The following KLHL18 variants were observed in gnomAD, a reference collection of about 807,000 sequenced individuals.
KLHL18 encodes the protein kelch-like protein 18.
Under a neutral mutation model 58.5 loss-of-function variants are expected in KLHL18, and 38 were observed. The ratio of observed to expected loss-of-function variants is 0.65; its 90% CI spans 0.50 to 0.85. The LOEUF is 0.85. Ranked by LOEUF, KLHL18 falls within the 40% of genes least tolerant of loss-of-function variation. The pLI, the probability that KLHL18 is intolerant of heterozygous loss-of-function variation, is 0.00. For synonymous variants in KLHL18, 303 were observed against 301.9 expected, an observed-to-expected ratio of 1.00 and a Z score of -0.04; for missense variants, 624 against 778.4, an observed-to-expected ratio of 0.80 and a Z score of 2.36.
intron 1 of KLHL18, among the ~76,000 whole-genome samples, chr3:47,300,988 A>G (rs371426200): frequency 1.3e-5 from 2 of 152,170 alleles, no homozygotes; most frequent in East Asian, 1.9e-4. Flanking sequence ...GATGTTGGAC[A>G]TCTTCTTATG....
chr3:47,299,567 A>G (rs187452534), intron 1 of KLHL18, among the ~76,000 whole-genome samples: 6 of 148,624 alleles, frequency 4.0e-5, no homozygotes, highest in South Asian at 4.3e-4. Flanking sequence ...GCTCACTCCT[A>G]TGATCTTACC....
At chr3:47,338,263 C>T (rs1040803410) in intron 7 of KLHL18, 1 of 152,238 alleles carries the variant, frequency 6.6e-6, no homozygotes, top group Admixed American at 6.5e-5. Context: ...CCTTTACCAC[C>T]TAGTTGATAG....
rs538227310 is a variant in KLHL18 at position 47,306,141 on chromosome 3, A to T, written c.130-13512A>T. On this transcript the variant is annotated intron_variant, in intron 1 of 9. Transcript: ENST00000232766. ...GTTCCTTGGAGAGGTAGTTTGGGTT[A>T]TTCACTTGAGACTTTTCTAATGTAA... is the stretch of plus-strand genomic sequence containing the variant. Among the ~76,000 whole-genome samples the T allele has an allele frequency of 2.0e-5, 3 of 151,802 alleles. No individual in the cohort carries two copies. In the South Asian group the frequency reaches 6.2e-4, roughly 32 times the overall value.
At chr3:47,285,303 TAGA>T in intron 1 of KLHL18, among the ~76,000 whole-genome samples, 1 of 152,328 alleles carries the variant, frequency 6.6e-6, no homozygotes, top group African/African-American at 2.4e-5. Flanking sequence ...GATTACATGG[TAGA>T]AGATGTTAAG....
At chr3:47,309,474 G>A (rs879809417) in intron 1 of KLHL18, among the ~76,000 whole-genome samples, 1 of 151,630 alleles carries the variant, frequency 6.6e-6, no homozygotes, top group African/African-American at 2.4e-5. Context: ...GGGCAGAGGC[G>A]CTCCCCACAG....
rs763182986 is a variant in KLHL18 at position 47,342,844 on chromosome 3, C to A, written c.1338+14C>A. ...ATCTTCAGCAGTGTGAGTCTGGGCT[C>A]CCCCTGGGATAAGGGTACCTACTTC... is the stretch of plus-strand genomic sequence containing the variant. On this transcript the variant is annotated intron_variant, in intron 9 of 9. Coordinates refer to ENST00000232766, the MANE Select transcript of KLHL18 (RefSeq NM_025010.5). The A allele has an allele frequency of 5.1e-6, 8 of 1,576,536 alleles. No homozygotes were observed. The Admixed American group carries it at 8.3e-5, about 16-fold the overall frequency.
intron 1 of KLHL18, among the ~76,000 whole-genome samples, chr3:47,284,214 A>G (rs760573781): frequency 1.2e-4 from 19 of 152,058 alleles, no homozygotes; most frequent in Non-Finnish European, 1.6e-4. Context: ...CCTGGGCAAC[A>G]CAGCAAGATC....
In KLHL18 at chr3:47,306,544, T is replaced by C. The variant is rs573697543; in HGVS notation, c.130-13109T>C. 3.3e-5 allele frequency among the ~76,000 whole-genome samples: 5 copies of C among 152,302 alleles called. No homozygotes were observed. In the South Asian group the frequency reaches 6.2e-4, roughly 19 times the overall value. ...ATTCTCCTCTCAGTGGTTATTTAGGTGGTTTTTTATTTTGTTTAGTTTTCT... is the reference window on the plus strand; with the variant it reads ...ATTCTCCTCTCAGTGGTTATTTAGGCGGTTTTTTATTTTGTTTAGTTTTCT... On this transcript the variant is annotated intron_variant, in intron 1 of 9. Coordinates refer to ENST00000232766, the MANE Select transcript of KLHL18 (RefSeq NM_025010.5).
chr3:47,325,127 T>TCTCCCAG (rs2107638130), intron 3 of KLHL18, among the ~76,000 whole-genome samples: 1 of 152,308 alleles, frequency 6.6e-6, no homozygotes, highest in African/African-American at 2.4e-5. Context: ...TGTGATGGTG[T>TCTCCCAG]CTCCCAGCTC....
intron 1 of KLHL18, among the ~76,000 whole-genome samples, chr3:47,311,335 C>T (rs1180785119): frequency 1.3e-5 from 2 of 152,102 alleles, no homozygotes; most frequent in Non-Finnish European, 2.9e-5. Flanking sequence ...CATAGCTGTT[C>T]TTGAATCATG....
At chr3:47,296,048 T>C (rs1203882790) in intron 1 of KLHL18, among the ~76,000 whole-genome samples, 2 of 152,190 alleles carry the variant, frequency 1.3e-5, no homozygotes, top group Non-Finnish European at 2.9e-5. Flanking sequence ...AGTGTTGTCA[T>C]TGGACTAATA....
rs1347904410 is a variant in KLHL18, at chr3:47,336,825, G to A, written c.1121+68G>A. 4 of 1,247,778 alleles carry A rather than the reference G, an allele frequency of 3.2e-6. No individual in the cohort carries two copies. In the East Asian group the frequency reaches 9.5e-5, roughly 30 times the overall value. 77.3% of individuals were successfully genotyped at this position (1,247,778 alleles called of 1,614,324 possible). A position where few individuals can be genotyped will look rare whatever the true frequency, so the allele number is the denominator to read the frequency against. The stretch of plus-strand genomic sequence containing the variant: ...ACCTGGGGAGCGCCATGCTAGACGA[G>A]CAGGGGCACACAGTAGAGTAAAATA... On this transcript the variant is annotated intron_variant, in intron 7 of 9. Transcript: ENST00000232766.
intron 3 of KLHL18, among the ~76,000 whole-genome samples, chr3:47,325,436 A>G (rs1703693807): frequency 6.6e-6 from 1 of 152,202 alleles, no homozygotes; most frequent in East Asian, 1.9e-4. Flanking sequence ...TGACCTTGTG[A>G]TCCGCCCGCC....
At chr3:47,303,606 A>G (rs1199773086) in intron 1 of KLHL18, among the ~76,000 whole-genome samples, 1 of 152,182 alleles carries the variant, frequency 6.6e-6, no homozygotes. Context: ...TAGCAGCTTT[A>G]TAGGCAAGCT....
chr3:47,331,859 G>A (rs1380703300), intron 4 of KLHL18, among the ~76,000 whole-genome samples: 1 of 151,960 alleles, frequency 6.6e-6, no homozygotes, highest in African/African-American at 2.4e-5. Context: ...TTGGAATGAT[G>A]TTCTGGAATA....
chr3:47,329,905 A>G (rs1172717559), intron 3 of KLHL18, 46 bp from the exon 4 acceptor site: 3 of 1,526,618 alleles, frequency 2.0e-6, no homozygotes, highest in Non-Finnish European at 2.7e-6. Context: ...ATCAAAGATA[A>G]CATCCTTTCT....
rs139742078 is a variant in KLHL18, at chr3:47,300,343, A to G, written c.129+17249A>G. Among the ~76,000 whole-genome samples the G allele has an allele frequency of 6.3e-3, 909 of 143,486 alleles. 9 individuals are homozygous for G. The highest frequency in any genetic ancestry group is 0.022 in the African/African-American group (866 of 39,808). The allele number at this position is 143,486 out of a possible 152,430, so 94.1% of individuals were successfully genotyped here. On this transcript the variant is annotated intron_variant, in intron 1 of 9. Coordinates refer to ENST00000232766, the MANE Select transcript of KLHL18 (RefSeq NM_025010.5). ...TATATGTATATGTATATACGTGTGT[A>G]TGTGTATATATGTGTGTACATATGT...
chr3:47,309,056 A>G (rs577386375), intron 1 of KLHL18, among the ~76,000 whole-genome samples: 3 of 152,354 alleles, frequency 2.0e-5, no homozygotes, highest in South Asian at 4.1e-4. Flanking sequence ...GAGTGGACAC[A>G]GCACATATTT....
chr3:47,337,756 C>T (rs191804980), intron 7 of KLHL18: 17 of 152,338 alleles, frequency 1.1e-4, no homozygotes, highest in African/African-American at 2.6e-4. Flanking sequence ...AAGATCTGCC[C>T]CTCCCAAGAA....
Sources: gnomAD v4.1 joint callset for allele counts (sites outside exome capture counted in the v4.1 genomes callset) on GRCh38, gnomAD v4.1.1 for gene constraint, MANE v1.5 for transcripts, NCBI Gene and HGNC (gene_info 2026-07-23, HGNC 2026-07-21) for gene names.